Variants in RIMS1 observed in about 807,000 individuals in gnomAD.
The protein encoded by RIMS1 is regulating synaptic membrane exocytosis protein 1.
In RIMS1, 83 loss-of-function variants were observed where a neutral mutation model predicts 214.1. That is an observed-to-expected ratio of 0.39 (90% CI 0.32 to 0.47). The LOEUF is 0.47. Among genes scored for constraint, RIMS1 ranks in the 20% least tolerant of loss-of-function variants. The pLI is 0.99. For synonymous variants in RIMS1, 793 were observed against 786.8 expected, an observed-to-expected ratio of 1.01 and a Z score of -0.13; for missense variants, 2,050 against 2,161.8, an observed-to-expected ratio of 0.95 and a Z score of 1.03.
At chr6:71,999,532 A>C (rs953793005) in intron 2 of RIMS1, among the ~76,000 whole-genome samples, 3 of 152,148 alleles carry the variant, frequency 2.0e-5, no homozygotes, top group Non-Finnish European at 4.4e-5. Flanking sequence ...AATTCTGTTG[A>C]TTCTGCAAAA....
rs149153236 is a variant in RIMS1 at position 72,320,405 on chromosome 6, G to A, written c.4130+6733G>A. 9.4e-3 allele frequency among the ~76,000 whole-genome samples: 1,435 copies of A among 152,232 alleles called. 26 individuals are homozygous for A. The highest frequency in any genetic ancestry group is 0.033 in the African/African-American group (1,359 of 41,556). The stretch of plus-strand genomic sequence containing the variant: ...TAGTTTATTTTTAAAAAGGAAGCCA[G>A]GCACTGCTGCTTTAAAAACATATTG... On this transcript the variant is annotated intron_variant, in intron 28 of 33. Transcript: ENST00000521978.
At chr6:72,122,715 G>T (rs2038664225) in intron 4 of RIMS1, among the ~76,000 whole-genome samples, 6 of 151,842 alleles carry the variant, frequency 4.0e-5, no homozygotes, top group Admixed American at 3.9e-4. Context: ...GAAGGTGTAT[G>T]TGTCCAGGAA....
intron 28 of RIMS1, chr6:72,316,499 AGGCTGCTGT>A: frequency 2.8e-6 from 1 of 354,570 alleles, no homozygotes. Flanking sequence ...TGGTGTTTTG[AGGCTGCTGT>A]GGTTGCAGAC....
chr6:72,238,616 TA>T (rs548822114), intron 9 of RIMS1, among the ~76,000 whole-genome samples: 125 of 152,284 alleles, frequency 8.2e-4, no homozygotes, highest in African/African-American at 3.0e-3. Flanking sequence ...TCATTTTTGT[TA>T]AAATCACATT....
Position 72,248,087 on chromosome 6 carries a change from C to T in RIMS1, c.2201C>T (p.Ala734Val), listed in dbSNP as rs769900651. Residue 734 changes from alanine to valine, a missense_variant, in exon 12 of 34, where the codon GCT becomes GTT. Physicochemically the swap from Ala to Val is moderately conservative, Grantham distance 64. This residue lies in a region of RIMS1 where 111 missense variants were observed against 166.2 expected (regional missense o/e 0.67). Coordinates refer to ENST00000521978, the MANE Select transcript of RIMS1 (RefSeq NM_014989.7). ...ISVISPTSPG[A>V]LKDAPQVLPG... The stretch of plus-strand genomic sequence containing the variant: ...GTTATTTCTCCAACAAGTCCTGGAG[C>T]TCTAAAAGATGCCCCACAAGTCTTA... 2.9e-5 allele frequency: 47 copies of T among 1,612,892 alleles called. No homozygotes were observed. Among genetic ancestry groups the T allele is most frequent in the Non-Finnish European group, 3.8e-5 (45 of 1,179,328 alleles).
chr6:72,332,640 C>T (rs2096709398), intron 28 of RIMS1, among the ~76,000 whole-genome samples: 2 of 148,236 alleles, frequency 1.3e-5, no homozygotes, highest in Non-Finnish European at 3.0e-5. Context: ...ACATATGTAA[C>T]TAACCTGCAC....
chr6:72,133,603 T>C (rs2153857644), intron 4 of RIMS1, among the ~76,000 whole-genome samples: 1 of 152,250 alleles, frequency 6.6e-6, no homozygotes, highest in South Asian at 2.1e-4. Context: ...GAAAAGAGTA[T>C]GTAATTTAGA....
chr6:72,015,005 C>G (rs1408890901), intron 2 of RIMS1, among the ~76,000 whole-genome samples: 1 of 152,036 alleles, frequency 6.6e-6, no homozygotes, highest in Non-Finnish European at 1.5e-5. Flanking sequence ...TTGAATATCC[C>G]TTAGCCAAAA....
At chr6:71,953,709 C>T (rs907816446) in intron 1 of RIMS1, among the ~76,000 whole-genome samples, 2 of 152,098 alleles carry the variant, frequency 1.3e-5, no homozygotes, top group African/African-American at 4.8e-5. Flanking sequence ...ATTGAAATAG[C>T]TTAATTTAGT....
Position 72,290,876 on chromosome 6 carries a change from T to TC in RIMS1, c.3737+20dup. The TC allele has an allele frequency of 6.2e-7, 1 of 1,610,264 alleles. No homozygotes were observed. On this transcript the variant is annotated intron_variant, in intron 25 of 33. Coordinates refer to ENST00000521978, the MANE Select transcript of RIMS1 (RefSeq NM_014989.7). Reference sequence around the variant, plus strand: ...CTTCTGACAAGGTCGCTATTCAGTGTCCCCCTCAGCATTCATGTCCTGCCT... The same window carrying TC: ...CTTCTGACAAGGTCGCTATTCAGTGTCCCCCCTCAGCATTCATGTCCTGCCT...
intron 29 of RIMS1, among the ~76,000 whole-genome samples, chr6:72,341,639 A>G (rs540728940): frequency 6.6e-6 from 1 of 151,938 alleles, no homozygotes; most frequent in South Asian, 2.1e-4. Flanking sequence ...CTGGAAGGAA[A>G]TCATTCACAC....
At chr6:72,017,790 C>A (rs1813256957) in intron 2 of RIMS1, among the ~76,000 whole-genome samples, 1 of 152,106 alleles carries the variant, frequency 6.6e-6, no homozygotes, top group African/African-American at 2.4e-5. Flanking sequence ...TGTAGGTACC[C>A]AAGAAAGGGC....
rs757899033 is a variant in RIMS1 at position 72,313,620 on chromosome 6, A to G, written c.4078A>G (p.Ser1360Gly). 6.2e-7 allele frequency: 1 copy of G among 1,613,666 alleles called. No individual in the cohort carries two copies. Among genetic ancestry groups the G allele is most frequent in the East Asian group, 2.2e-5 (1 of 44,872 alleles). ...CCGAACCAGCAGTGCCTCACGCCTCAGCAGCACAAGCTTTATGTCAGAGCA... is the reference window on the plus strand; with the variant it reads ...CCGAACCAGCAGTGCCTCACGCCTCGGCAGCACAAGCTTTATGTCAGAGCA... ...ISRTSSASRL[S>G]STSFMSEQSE... Residue 1360 changes from serine to glycine, a missense_variant, in exon 28 of 34, where the codon AGC becomes GGC. This residue lies in a region of RIMS1 where 889 missense variants were observed against 885.5 expected (regional missense o/e 1.00). Transcript: ENST00000521978.
At chr6:71,913,658 A>G (rs1268453054) in intron 1 of RIMS1, among the ~76,000 whole-genome samples, 1 of 152,124 alleles carries the variant, frequency 6.6e-6, no homozygotes, top group Non-Finnish European at 1.5e-5. Context: ...AAAAGTAAAG[A>G]AAAGAACACT....
At chr6:72,316,332 A>G (rs1395228180) in intron 28 of RIMS1, among the ~76,000 whole-genome samples, 2 of 152,140 alleles carry the variant, frequency 1.3e-5, no homozygotes, top group East Asian at 3.9e-4. Context: ...AGAGGAGACA[A>G]GGAAGGGCTA....
chr6:72,150,030 G>A (rs1185027792), intron 4 of RIMS1, among the ~76,000 whole-genome samples: 1 of 152,138 alleles, frequency 6.6e-6, no homozygotes, highest in Non-Finnish European at 1.5e-5. Context: ...CGAAAGGTGA[G>A]GGGGGTGGAG....
chr6:72,313,545 G>A lies in RIMS1; in HGVS notation c.4003G>A (p.Val1335Ile), dbSNP rs768977249. ...HKDQYRSCDNVSAKSSDSDVS... is the reference protein window; with the variant it reads ...HKDQYRSCDNISAKSSDSDVS... The stretch of plus-strand genomic sequence containing the variant: ...AGATCAGTACAGAAGCTGTGATAAC[G>A]TCTCTGCCAAATCATCAGATAGTGA... Residue 1335 changes from valine (V) to isoleucine (I), a missense_variant, in exon 28 of 34, where the codon GTC (valine) becomes ATC (isoleucine). Physicochemically the swap from Val to Ile is conservative, Grantham distance 29. Coordinates refer to ENST00000521978, the MANE Select transcript of RIMS1 (RefSeq NM_014989.7). 14 of 1,613,526 alleles carry A rather than the reference G, an allele frequency of 8.7e-6. No individual in the cohort carries two copies. Among genetic ancestry groups the A allele is most frequent in the African/African-American group, 2.7e-5 (2 of 74,870 alleles).
At chr6:72,005,344 G>A (rs1386299170) in intron 2 of RIMS1, among the ~76,000 whole-genome samples, 3 of 152,154 alleles carry the variant, frequency 2.0e-5, no homozygotes, top group Non-Finnish European at 4.4e-5. Context: ...GGATTGACTT[G>A]GCGATGCGGG....
chr6:72,110,198 T>A (rs542855578), intron 4 of RIMS1, among the ~76,000 whole-genome samples: 2 of 152,290 alleles, frequency 1.3e-5, no homozygotes, highest in South Asian at 4.1e-4. Flanking sequence ...CTTTTTTGGT[T>A]CCATATGAAC....
Sources: allele counts gnomAD v4.1 joint callset (sites outside exome capture counted in the v4.1 genomes callset), GRCh38; gene constraint gnomAD v4.1.1; regional missense constraint gnomAD v4.1.1; transcripts MANE v1.5; gene names NCBI Gene and HGNC (gene_info 2026-07-23, HGNC 2026-07-21).